Variants in PIGK observed in about 807,000 individuals in gnomAD.
PIGK encodes GPI-anchor transamidase.
Under a neutral mutation model 50.6 loss-of-function variants are expected in PIGK, and 42 were observed. The ratio of observed to expected loss-of-function variants is 0.83; its 90% CI spans 0.65 to 1.07. The LOEUF is 1.07. Ranked by LOEUF, PIGK falls within the 50% of genes least tolerant of loss-of-function variation. PIGK has a pLI of 0.00. For missense variants in PIGK, 448 were observed against 488.7 expected (o/e 0.92, Z 0.78); for synonymous variants, 151 against 156.0 (o/e 0.97, Z 0.24).
chr1:77,124,045 A>G (rs1053712195), intron 9 of PIGK, among the ~76,000 whole-genome samples: 5 of 151,996 alleles, frequency 3.3e-5, no homozygotes, highest in Non-Finnish European at 7.4e-5. Context: ...GGCCATCTAC[A>G]CGTCAAGGAG....
chr1:77,171,381 G>A (rs967209401), intron 3 of PIGK, among the ~76,000 whole-genome samples: 2 of 126,530 alleles, frequency 1.6e-5, no homozygotes, highest in African/African-American at 5.8e-5. Context: ...AGCTCGCAGT[G>A]AGCCGACATC....
chr1:77,200,434 C>T (rs1205651147), intron 3 of PIGK, among the ~76,000 whole-genome samples: 1 of 151,958 alleles, frequency 6.6e-6, no homozygotes, highest in African/African-American at 2.4e-5. Flanking sequence ...CTAGTCACCA[C>T]ATTCAACATA....
chr1:77,097,263 C>G (rs1220279198), intron 10 of PIGK, among the ~76,000 whole-genome samples: 1 of 152,112 alleles, frequency 6.6e-6, no homozygotes, highest in East Asian at 1.9e-4. Flanking sequence ...AAGAGAGAAA[C>G]TCCAACTGCC....
intron 3 of PIGK, among the ~76,000 whole-genome samples, chr1:77,179,210 T>C (rs573786933): frequency 6.6e-6 from 1 of 152,350 alleles, no homozygotes; most frequent in South Asian, 2.1e-4. Context: ...TGTTCTACTG[T>C]TTCCCAGTGG....
At position 77,089,027 on chromosome 1, in the gene PIGK, TACA is replaced by T. The variant is rs1429894625; in HGVS notation, c.*3344_*3346del. On this transcript the variant is annotated 3_prime_UTR_variant, in exon 11 of 11. Transcript: ENST00000370812. ...AATTTTTAATAACCAGTTTCTTGGT[TACA>T]ACTTCATCTATATAAATCCCCTTAT... 6.6e-6 allele frequency: 1 copy of T among 152,180 alleles called. No individual in the cohort carries two copies. The highest frequency in any genetic ancestry group is 1.9e-4 in the East Asian group (1 of 5,196). The allele number at this position is 152,180 out of a possible 1,614,324, so 9.4% of individuals were successfully genotyped here. A position where few individuals can be genotyped will look rare whatever the true frequency, so the allele number is the denominator to read the frequency against.
In PIGK at chr1:77,182,691, T is replaced by G. The variant is rs552904353; in HGVS notation, c.240-13296A>C. On this transcript the variant is annotated intron_variant, in intron 3 of 10. Coordinates refer to ENST00000370812, the MANE Select transcript of PIGK (RefSeq NM_005482.3). Reference sequence around the variant, plus strand: ...AAGGATGGAGTTCTTTCATTGGTTTTGGGGTTTCTGGATTTGGCTGCTTAA... The same window carrying G: ...AAGGATGGAGTTCTTTCATTGGTTTGGGGGTTTCTGGATTTGGCTGCTTAA... Among the ~76,000 whole-genome samples, 437 of 152,326 alleles carry G rather than the reference T, an allele frequency of 2.9e-3. 3 individuals carry two copies. Among genetic ancestry groups the G allele is most frequent in the African/African-American group, 9.9e-3 (412 of 41,592 alleles).
rs887864752 is a variant in PIGK at position 77,089,574 on chromosome 1, T to C, written c.*2800A>G. ...ACAACATACATAATGGAAGAAATGT[T>C]ATCAATATATACCATAGTAGAAAAT... On this transcript the variant is annotated 3_prime_UTR_variant, in exon 11 of 11. Coordinates refer to ENST00000370812, the MANE Select transcript of PIGK (RefSeq NM_005482.3). The C allele has an allele frequency of 6.5e-6, 1 of 152,770 alleles. No homozygotes were observed. Among genetic ancestry groups the C allele is most frequent in the African/African-American group, 2.4e-5 (1 of 41,570 alleles). 9.5% of individuals were successfully genotyped at this position (152,770 alleles called of 1,614,324 possible). A position where few individuals can be genotyped will look rare whatever the true frequency, so the allele number is the denominator to read the frequency against.
At chr1:77,207,081 C>T (rs925455422) in intron 2 of PIGK, among the ~76,000 whole-genome samples, 3 of 152,102 alleles carry the variant, frequency 2.0e-5, no homozygotes, top group Non-Finnish European at 4.4e-5. Flanking sequence ...GCATGAGAAT[C>T]GCTTAAACCT....
rs559346568 is a variant in PIGK, at chr1:77,107,703, A to T, written c.1071+14572T>A. 1.0e-3 allele frequency among the ~76,000 whole-genome samples: 154 copies of T among 152,218 alleles called. 2 individuals carry two copies. Among genetic ancestry groups the T allele is most frequent in the African/African-American group, 3.5e-3 (145 of 41,522 alleles). Reference sequence around the variant, plus strand: ...TGACAGTGGGGTGTTAAAGTCTCCCATTATTATTGTGTGGGAGTCTAAGTC... The same window carrying T: ...TGACAGTGGGGTGTTAAAGTCTCCCTTTATTATTGTGTGGGAGTCTAAGTC... On this transcript the variant is annotated intron_variant, in intron 10 of 10. Coordinates refer to ENST00000370812, the MANE Select transcript of PIGK (RefSeq NM_005482.3).
chr1:77,208,139 T>C (rs757581575), intron 2 of PIGK, among the ~76,000 whole-genome samples: 1 of 151,992 alleles, frequency 6.6e-6, no homozygotes, highest in African/African-American at 2.4e-5. Context: ...CGTGGGAGGA[T>C]CACTTGAGCC....
chr1:77,204,290 A>G (rs1656240036), intron 3 of PIGK, among the ~76,000 whole-genome samples: 1 of 152,142 alleles, frequency 6.6e-6, no homozygotes, highest in Non-Finnish European at 1.5e-5. Context: ...TAGCGCTCCC[A>G]GGCCTATTAG....
rs1656292331 is a variant in PIGK, at chr1:77,206,631, G to A, written c.239+9C>T. ...AAGTTCAAGGTTAAGCTTTATTAAG[G>A]CTTCTTACCTGTCAGGAATACCTAG... On this transcript the variant is annotated intron_variant, in intron 3 of 10. Transcript: ENST00000370812. 6.8e-7 allele frequency: 1 copy of A among 1,471,704 alleles called. No individual in the cohort carries two copies. The highest frequency in any genetic ancestry group is 9.5e-7 in the Non-Finnish European group (1 of 1,051,920). 91.2% of individuals were successfully genotyped at this position (1,471,704 alleles called of 1,614,324 possible). A position where few individuals can be genotyped will look rare whatever the true frequency, so the allele number is the denominator to read the frequency against.
chr1:77,175,628 A>C (rs1283474867), intron 3 of PIGK, among the ~76,000 whole-genome samples: 3 of 152,218 alleles, frequency 2.0e-5, no homozygotes, highest in African/African-American at 7.2e-5. Context: ...GAGGGTTAAC[A>C]GATTGTTTTA....
rs563586510 is a variant in PIGK, at chr1:77,219,422, C to G, written c.-20G>C. The stretch of plus-strand genomic sequence containing the variant: ...GGCCATGTTTACCGGCTTCAGACTT[C>G]CCGCACCTGAAGGGGCGGAGGCAGT... On this transcript the variant is annotated 5_prime_UTR_variant, in exon 1 of 11. Transcript: ENST00000370812. 1.9e-6 allele frequency: 3 copies of G among 1,606,782 alleles called. No homozygotes were observed. The Admixed American group carries it at 5.0e-5, about 27-fold the overall frequency.
intron 10 of PIGK, among the ~76,000 whole-genome samples, chr1:77,112,028 G>T (rs1653860045): frequency 6.6e-6 from 1 of 151,836 alleles, no homozygotes; most frequent in Non-Finnish European, 1.5e-5. Flanking sequence ...TCTTTTAAAG[G>T]AAAATCTGTG....
At chr1:77,147,246 C>A (rs547610358) in intron 9 of PIGK, among the ~76,000 whole-genome samples, 11 of 152,038 alleles carry the variant, frequency 7.2e-5, no homozygotes, top group Admixed American at 1.3e-4. Context: ...GGGGAAACCA[C>A]CCCCATGATT....
intron 9 of PIGK, among the ~76,000 whole-genome samples, chr1:77,141,927 A>G (rs1329095360): frequency 6.6e-6 from 1 of 152,178 alleles, no homozygotes; most frequent in Non-Finnish European, 1.5e-5. Flanking sequence ...AACATCAAGG[A>G]TATCATGAGC....
At position 77,089,735 on chromosome 1, in the gene PIGK, A is replaced by G. The variant is rs1653255522; in HGVS notation, c.*2639T>C. The G allele has an allele frequency of 6.5e-6, 1 of 152,690 alleles. No homozygotes were observed. The highest frequency in any genetic ancestry group is 6.5e-5 in the Admixed American group (1 of 15,288). The allele number at this position is 152,690 out of a possible 1,614,324, so 9.5% of individuals were successfully genotyped here. On this transcript the variant is annotated 3_prime_UTR_variant, in exon 11 of 11. Coordinates refer to ENST00000370812, the MANE Select transcript of PIGK (RefSeq NM_005482.3). ...TTTAATTCTAATATTTCTTGATCCA[A>G]TTTAATCAGCTTTGTATCCAAACTA...
At chr1:77,186,977 C>T (rs915451025) in intron 3 of PIGK, among the ~76,000 whole-genome samples, 7 of 152,202 alleles carry the variant, frequency 4.6e-5, no homozygotes, top group African/African-American at 1.7e-4. Flanking sequence ...ATGGGTTTGC[C>T]TATCCTGCAC....
Sources: gnomAD v4.1 joint callset for allele counts (sites outside exome capture counted in the v4.1 genomes callset) on GRCh38, gnomAD v4.1.1 for gene constraint, MANE v1.5 for transcripts, NCBI Gene and HGNC (gene_info 2026-07-23, HGNC 2026-07-21) for gene names.